The following RBFOX1 variants were observed in gnomAD, a reference collection of about 807,000 sequenced individuals.
RBFOX1 encodes the protein RNA binding protein fox-1 homolog 1.
A neutral mutation model predicts 57.7 loss-of-function variants in RBFOX1; 8 were observed. The observed-to-expected ratio is 0.14, with a 90% CI of 0.08 to 0.25. The LOEUF is 0.25. Ranked by LOEUF, RBFOX1 falls within the 10% of genes least tolerant of loss-of-function variation. RBFOX1 has a pLI of 1.00. For missense variants in RBFOX1, 611 were observed against 548.5 expected (o/e 1.11, Z -1.14); for synonymous variants, 326 against 222.4 (o/e 1.47, Z -4.15).
intron 4 of RBFOX1, among the ~76,000 whole-genome samples, chr16:7,273,441 C>T (rs1235736776): frequency 2.0e-5 from 3 of 152,028 alleles, no homozygotes; most frequent in African/African-American, 7.2e-5. Context: ...AGAATTATTT[C>T]ATTTTAGATT....
At chr16:7,535,982 A>T (rs1490041545) in intron 5 of RBFOX1, among the ~76,000 whole-genome samples, 1 of 152,238 alleles carries the variant, frequency 6.6e-6, no homozygotes. Flanking sequence ...AATAAGACAG[A>T]CATAGCTTCT....
chr16:6,688,518 G>C (rs1389631703), intron 3 of RBFOX1, among the ~76,000 whole-genome samples: 1 of 152,162 alleles, frequency 6.6e-6, no homozygotes, highest in Non-Finnish European at 1.5e-5. Flanking sequence ...AGGAGAGAGA[G>C]GTTGAGCAAA....
intron 3 of RBFOX1, among the ~76,000 whole-genome samples, chr16:6,837,370 G>T (rs574937801): frequency 2.0e-5 from 3 of 152,288 alleles, no homozygotes; most frequent in African/African-American, 4.8e-5. Flanking sequence ...GAGTTCTTGG[G>T]TTCTCCGCAA....
chr16:5,825,621 A>G lies in RBFOX1; in HGVS notation c.319-41682A>G, dbSNP rs551538899. Among the ~76,000 whole-genome samples, 111 of 152,360 alleles carry G rather than the reference A, an allele frequency of 7.3e-4. 1 individual carries two copies. Among genetic ancestry groups the G allele is most frequent in the Non-Finnish European group, 4.0e-4 (27 of 68,034 alleles). Reference sequence around the variant, plus strand: ...AATTTAAAGTGTACAATGTAAGGACATTAAGGACGTTGACAGCGTTGTACA... The same window carrying G: ...AATTTAAAGTGTACAATGTAAGGACGTTAAGGACGTTGACAGCGTTGTACA... On this transcript the variant is annotated intron_variant, in intron 3 of 19. Transcript: ENST00000641259.
intron 1 of RBFOX1, among the ~76,000 whole-genome samples, chr16:6,194,914 G>A (rs2097169960): frequency 6.6e-6 from 1 of 152,196 alleles, no homozygotes; most frequent in African/African-American, 2.4e-5. Flanking sequence ...GAATGAGTGA[G>A]TAGATATGAA....
chr16:7,167,981 C>A (rs1327760718), intron 4 of RBFOX1, among the ~76,000 whole-genome samples: 4 of 152,160 alleles, frequency 2.6e-5, no homozygotes, highest in African/African-American at 7.2e-5. Flanking sequence ...AGCGCAGAAC[C>A]ACACAAGGTA....
chr16:7,349,065 T>G (rs1419710960), intron 4 of RBFOX1, among the ~76,000 whole-genome samples: 2 of 152,236 alleles, frequency 1.3e-5, no homozygotes. Context: ...AAAAATGTGC[T>G]AGTTTTGGAG....
intron 4 of RBFOX1, among the ~76,000 whole-genome samples, chr16:5,908,066 G>GTATGTGTGTGTGTATGTA (rs2058504742): frequency 2.0e-5 from 2 of 97,810 alleles, no homozygotes; most frequent in African/African-American, 8.5e-5. Flanking sequence ...ATGTATGTGT[G>GTATGTGTGTGTGTATGTA]TATGTATATA....
intron 3 of RBFOX1, among the ~76,000 whole-genome samples, chr16:5,785,588 C>G (rs1199852990): frequency 6.6e-6 from 1 of 152,046 alleles, no homozygotes; most frequent in Admixed American, 6.6e-5. Flanking sequence ...AGTGCAATGG[C>G]ATGATCTTGG....
intron 14 of RBFOX1, among the ~76,000 whole-genome samples, chr16:7,683,845 A>AT (rs1396952633): frequency 6.6e-6 from 1 of 151,922 alleles, no homozygotes; most frequent in Non-Finnish European, 1.5e-5. Flanking sequence ...TATTGCTAAA[A>AT]AAAAACCTGC....
intron 4 of RBFOX1, among the ~76,000 whole-genome samples, chr16:7,256,787 A>G (rs1468952127): frequency 6.6e-6 from 1 of 152,060 alleles, no homozygotes; most frequent in African/African-American, 2.4e-5. Flanking sequence ...TTAACTTCGA[A>G]TCTTGGACCA....
chr16:6,483,619 G>T, intron 2 of RBFOX1: 13 of 1,205,494 alleles, frequency 1.1e-5, no homozygotes, highest in Non-Finnish European at 1.4e-5. Context: ...GGAGGGAAGG[G>T]AGAGACCAGG....
chr16:5,562,007 G>C (rs1228733759), intron 2 of RBFOX1, among the ~76,000 whole-genome samples: 1 of 152,136 alleles, frequency 6.6e-6, no homozygotes, highest in East Asian at 1.9e-4. Flanking sequence ...GTGCTAGAGG[G>C]TGTGAAGACA....
chr16:5,716,066 C>G (rs890787016), intron 3 of RBFOX1, among the ~76,000 whole-genome samples: 2 of 152,190 alleles, frequency 1.3e-5, no homozygotes, highest in African/African-American at 2.4e-5. Flanking sequence ...TTGATGATGT[C>G]TGGTATTAAT....
At chr16:7,505,119 C>G (rs987167141) in intron 4 of RBFOX1, among the ~76,000 whole-genome samples, 6 of 151,236 alleles carry the variant, frequency 4.0e-5, no homozygotes, top group Admixed American at 6.6e-5. Flanking sequence ...AATGAAGAGA[C>G]TAGCTTGGGA....
chr16:6,962,655 A>C (rs1336201417), intron 3 of RBFOX1, among the ~76,000 whole-genome samples: 1 of 152,128 alleles, frequency 6.6e-6, no homozygotes, highest in Non-Finnish European at 1.5e-5. Flanking sequence ...GGTTGAACTC[A>C]GGAGTTCAAG....
chr16:6,996,172 G>C (rs752057611), intron 3 of RBFOX1, among the ~76,000 whole-genome samples: 3 of 152,198 alleles, frequency 2.0e-5, no homozygotes, highest in Non-Finnish European at 4.4e-5. Flanking sequence ...TAACATGGCA[G>C]TTCCCGATAA....
chr16:7,563,549 C>T (rs2090946704), intron 5 of RBFOX1, among the ~76,000 whole-genome samples: 1 of 152,144 alleles, frequency 6.6e-6, no homozygotes, highest in Admixed American at 6.5e-5. Flanking sequence ...CTCACTGCAA[C>T]CTCTGCCTCC....
chr16:5,786,745 C>T (rs1183066285), intron 3 of RBFOX1, among the ~76,000 whole-genome samples: 1 of 152,186 alleles, frequency 6.6e-6, no homozygotes. Flanking sequence ...TCACATTTGA[C>T]TGGCTTCATG....
Sources: allele counts gnomAD v4.1 joint callset (sites outside exome capture counted in the v4.1 genomes callset), GRCh38; gene constraint gnomAD v4.1.1; transcripts MANE v1.5; gene names NCBI Gene and HGNC (gene_info 2026-07-23, HGNC 2026-07-21).